The following CDK14 variants were observed in gnomAD, a reference collection of about 807,000 sequenced individuals.
CDK14 encodes cyclin-dependent kinase 14.
Under a neutral mutation model 60.7 loss-of-function variants are expected in CDK14, and 34 were observed. The ratio of observed to expected loss-of-function variants is 0.56; its 90% CI spans 0.43 to 0.75. The LOEUF is 0.75. Ranked by LOEUF, CDK14 falls within the 30% of genes least tolerant of loss-of-function variation. The pLI is 0.00. For synonymous variants in CDK14, 197 were observed against 203.7 expected, an observed-to-expected ratio of 0.97 and a Z score of 0.28; for missense variants, 482 against 564.1, an observed-to-expected ratio of 0.85 and a Z score of 1.47.
At chr7:91,185,099 A>G (rs1802129579) in intron 14 of CDK14, among the ~76,000 whole-genome samples, 1 of 149,174 alleles carries the variant, frequency 6.7e-6, no homozygotes, top group Non-Finnish European at 1.5e-5. Flanking sequence ...ATTACTGTTT[A>G]TTGAGTATCT....
In CDK14 at chr7:91,027,993, G is replaced by A. The variant is rs560902619; in HGVS notation, c.1042-17904G>A. ...CCCTTTCCCCTCTCCCCTGTCACCCGAATAGTGTGCAGTGTATCCAATAGG... is the reference window on the plus strand; with the variant it reads ...CCCTTTCCCCTCTCCCCTGTCACCCAAATAGTGTGCAGTGTATCCAATAGG... On this transcript the variant is annotated intron_variant, in intron 10 of 14. Transcript: ENST00000380050. 2.4e-3 allele frequency among the ~76,000 whole-genome samples: 294 copies of A among 121,854 alleles called. 10 individuals are homozygous for A. The highest frequency in any genetic ancestry group is 0.022 in the Admixed American group (259 of 11,868). 79.9% of individuals were successfully genotyped at this position (121,854 alleles called of 152,430 possible).
chr7:90,896,434 G>GA (rs1210362732), intron 6 of CDK14, among the ~76,000 whole-genome samples: 2 of 151,964 alleles, frequency 1.3e-5, no homozygotes, highest in African/African-American at 4.8e-5. Flanking sequence ...TACTAAAAAA[G>GA]AAAAAATGCA....
At chr7:91,012,833 T>C (rs1796199530) in intron 10 of CDK14, among the ~76,000 whole-genome samples, 1 of 152,196 alleles carries the variant, frequency 6.6e-6, no homozygotes, top group Non-Finnish European at 1.5e-5. Flanking sequence ...GAGAGTCATT[T>C]ACATAGATTC....
At chr7:90,822,479 A>T (rs903647732) in intron 5 of CDK14, among the ~76,000 whole-genome samples, 2 of 151,896 alleles carry the variant, frequency 1.3e-5, no homozygotes, top group Admixed American at 6.6e-5. Context: ...GCAGACTTGG[A>T]GTCTCTTCTC....
chr7:91,010,993 A>T (rs190599076), intron 10 of CDK14, among the ~76,000 whole-genome samples: 68 of 151,838 alleles, frequency 4.5e-4, no homozygotes, highest in Admixed American at 2.3e-3. Context: ...ATCTTTAACT[A>T]CTAAGGATGA....
chr7:90,935,054 G>A (rs1228817907), intron 8 of CDK14, among the ~76,000 whole-genome samples: 1 of 152,232 alleles, frequency 6.6e-6, no homozygotes, highest in Non-Finnish European at 1.5e-5. Flanking sequence ...CAAGAGGCCA[G>A]CCTCTGGTGA....
chr7:90,918,159 A>G (rs1430252613), intron 8 of CDK14, among the ~76,000 whole-genome samples: 1 of 152,202 alleles, frequency 6.6e-6, no homozygotes, highest in East Asian at 1.9e-4. Context: ...AAACTTGGAG[A>G]AACCTAAATT....
intron 14 of CDK14, among the ~76,000 whole-genome samples, chr7:91,130,847 G>A (rs1332303617): frequency 6.6e-6 from 1 of 152,080 alleles, no homozygotes; most frequent in East Asian, 1.9e-4. Context: ...CTGGCCATAT[G>A]ATACTAAATC....
intron 14 of CDK14, among the ~76,000 whole-genome samples, chr7:91,127,798 G>A (rs1462267617): frequency 3.3e-5 from 5 of 152,066 alleles, no homozygotes; most frequent in African/African-American, 1.2e-4. Flanking sequence ...CTAAAAAGTT[G>A]CTGTTATAGA....
intron 5 of CDK14, among the ~76,000 whole-genome samples, chr7:90,852,462 A>G (rs565599820): frequency 1.3e-5 from 2 of 152,160 alleles, no homozygotes; most frequent in Admixed American, 1.3e-4. Flanking sequence ...GCCTCTTTCA[A>G]TGCTGCATTA....
intron 10 of CDK14, among the ~76,000 whole-genome samples, chr7:91,024,265 A>G (rs1173003846): frequency 6.6e-6 from 1 of 152,344 alleles, no homozygotes; most frequent in East Asian, 1.9e-4. Flanking sequence ...TGAGGTAGGT[A>G]GTCTTTGTTA....
At chr7:90,832,799 A>C (rs1789955246) in intron 5 of CDK14, among the ~76,000 whole-genome samples, 1 of 152,176 alleles carries the variant, frequency 6.6e-6, no homozygotes, top group Non-Finnish European at 1.5e-5. Context: ...CATGAAAAGG[A>C]GCTTATGTAA....
intron 3 of CDK14, among the ~76,000 whole-genome samples, chr7:90,729,202 C>T (rs1013803228): frequency 6.6e-6 from 1 of 151,896 alleles, no homozygotes; most frequent in African/African-American, 2.4e-5. Flanking sequence ...AAGACCTCCA[C>T]CTTAAATTCA....
At chr7:90,743,181 C>T (rs995154826) in intron 3 of CDK14, among the ~76,000 whole-genome samples, 2 of 151,950 alleles carry the variant, frequency 1.3e-5, no homozygotes, top group South Asian at 2.1e-4. Context: ...ACCTATATAG[C>T]GTGGTGGTAT....
chr7:90,961,060 C>T (rs1333429813), intron 9 of CDK14, among the ~76,000 whole-genome samples: 2 of 152,120 alleles, frequency 1.3e-5, no homozygotes, highest in African/African-American at 4.8e-5. Context: ...GTAAATAGAG[C>T]ACTCATTCAA....
intron 12 of CDK14, among the ~76,000 whole-genome samples, chr7:91,102,618 A>G (rs918887887): frequency 6.1e-5 from 7 of 115,188 alleles, no homozygotes; most frequent in Non-Finnish European, 1.1e-4. Context: ...ACTATAGTGT[A>G]AAAAAAAAAA....
At chr7:90,700,505 C>T (rs537368363) in intron 2 of CDK14, among the ~76,000 whole-genome samples, 1 of 152,072 alleles carries the variant, frequency 6.6e-6, no homozygotes, top group Non-Finnish European at 1.5e-5. Context: ...GAGAAAAGAA[C>T]CTTTATTCAT....
At chr7:90,669,845 G>T (rs954848424) in intron 2 of CDK14, among the ~76,000 whole-genome samples, 6 of 152,174 alleles carry the variant, frequency 3.9e-5, no homozygotes, top group Non-Finnish European at 7.3e-5. Context: ...ATGAGTAAAT[G>T]AATAAATGAC....
At chr7:90,692,959 G>A (rs1563046810) in intron 2 of CDK14, among the ~76,000 whole-genome samples, 1 of 151,922 alleles carries the variant, frequency 6.6e-6, no homozygotes, top group Non-Finnish European at 1.5e-5. Flanking sequence ...AATTCTCCCT[G>A]GAGTAAAGCT....
Sources: gnomAD v4.1 joint callset for allele counts (sites outside exome capture counted in the v4.1 genomes callset) on GRCh38, gnomAD v4.1.1 for gene constraint, MANE v1.5 for transcripts, NCBI Gene and HGNC (gene_info 2026-07-23, HGNC 2026-07-21) for gene names.